The following UPF2 variants were observed in gnomAD, a reference collection of about 807,000 sequenced individuals.
UPF2 encodes the protein regulator of nonsense transcripts 2.
In UPF2, 17 loss-of-function variants were observed where a neutral mutation model predicts 141.4. The ratio of observed to expected loss-of-function variants is 0.12; its 90% CI spans 0.08 to 0.18. The LOEUF is 0.18. UPF2 is among the 10% of genes least tolerant of loss of function. UPF2 has a pLI of 1.00. For synonymous variants in UPF2, 540 were observed against 498.0 expected (o/e 1.08, Z -1.12); for missense variants, 1,152 against 1,515.9 (o/e 0.76, Z 3.99).
At chr10:11,928,435 C>T (rs536795308) in intron 21 of UPF2, among the ~76,000 whole-genome samples, 99 of 152,242 alleles carry the variant, frequency 6.5e-4, no homozygotes, top group African/African-American at 2.2e-3. Flanking sequence ...AGAGGCCGGG[C>T]GCAGTGGCTC....
intron 8 of UPF2, among the ~76,000 whole-genome samples, chr10:11,987,054 T>C (rs1408840863): frequency 5.3e-5 from 8 of 152,256 alleles, no homozygotes; most frequent in African/African-American, 1.9e-4. Flanking sequence ...GAAGAGATTC[T>C]TACGTACTTT....
chr10:11,921,431 A>G lies in UPF2; in HGVS notation c.3810-124T>C. 1 of 1,197,214 alleles carries G rather than the reference A, an allele frequency of 8.4e-7. No homozygotes were observed. Among genetic ancestry groups the G allele is most frequent in the Non-Finnish European group, 1.2e-6 (1 of 823,424 alleles). 74.2% of individuals were successfully genotyped at this position (1,197,214 alleles called of 1,614,324 possible). A position where few individuals can be genotyped will look rare whatever the true frequency, so the allele number is the denominator to read the frequency against. On this transcript the variant is annotated intron_variant, in intron 21 of 21. Transcript: ENST00000357604. This position sits in a 1 kb window ranked among gnomAD's most constrained non-coding sequence, Gnocchi z 5.9. ...CCCCCAAGTTACAGGTGGCCCTGGC[A>G]TCTGCGGGTTCCACATCCATGGACC...
chr10:11,991,417 C>A (rs1196223365), intron 8 of UPF2, among the ~76,000 whole-genome samples: 1 of 151,994 alleles, frequency 6.6e-6, no homozygotes, highest in Admixed American at 6.6e-5. Context: ...AACAAGATAA[C>A]AGAACTAGTA....
intron 10 of UPF2, among the ~76,000 whole-genome samples, chr10:11,966,309 C>T (rs955858222): frequency 1.3e-5 from 2 of 152,180 alleles, no homozygotes; most frequent in African/African-American, 2.4e-5. Flanking sequence ...TACTCTGTTA[C>T]TTGACAATTT....
intron 4 of UPF2, among the ~76,000 whole-genome samples, chr10:12,006,017 C>T (rs907532131): frequency 3.3e-5 from 5 of 151,772 alleles, no homozygotes; most frequent in African/African-American, 1.2e-4. Flanking sequence ...GTAGCTGGGA[C>T]TACAGGCATG....
At chr10:12,024,737 A>G (rs1348680021) in intron 3 of UPF2, among the ~76,000 whole-genome samples, 1 of 152,130 alleles carries the variant, frequency 6.6e-6, no homozygotes, top group South Asian at 2.1e-4. Flanking sequence ...GTTTGAGATC[A>G]GCCTGAGCAA....
rs1834191994 is a variant in UPF2, at chr10:12,014,931, TAAG to T, written c.1146-750_1146-748del. Among the ~76,000 whole-genome samples the T allele has an allele frequency of 6.6e-6, 1 of 152,188 alleles. No individual in the cohort carries two copies. The highest frequency in any genetic ancestry group is 1.5e-5 in the Non-Finnish European group (1 of 68,040). On this transcript the variant is annotated intron_variant, in intron 3 of 21. Transcript: ENST00000357604. The surrounding 1 kb of genome is among the most constrained non-coding windows in gnomAD (Gnocchi z 5.0). ...CTCAGGCCAGCCCTTATCAAGGAAC[TAAG>T]GACATAACCACTCTTCCACTTTGCA... is the stretch of plus-strand genomic sequence containing the variant.
At chr10:11,929,739 A>G in intron 21 of UPF2, 126 bp downstream of exon 21, 1 of 1,376,724 alleles carries the variant, frequency 7.3e-7, no homozygotes, top group Non-Finnish European at 9.9e-7. Flanking sequence ...TTGCTAAAAT[A>G]TCAAAGACTT....
At chr10:11,962,500 T>C (rs1239614413) in intron 11 of UPF2, among the ~76,000 whole-genome samples, 1 of 152,110 alleles carries the variant, frequency 6.6e-6, no homozygotes, top group Non-Finnish European at 1.5e-5. Flanking sequence ...AAAATTTTCA[T>C]ATAGCTAGTC....
chr10:12,018,479 G>C (rs1834262577), intron 3 of UPF2, among the ~76,000 whole-genome samples: 1 of 152,154 alleles, frequency 6.6e-6, no homozygotes, highest in African/African-American at 2.4e-5. Flanking sequence ...TACTCAGGAG[G>C]CTGAGGTAGG....
At chr10:11,938,785 A>C (rs996181340) in intron 18 of UPF2, among the ~76,000 whole-genome samples, 4 of 151,012 alleles carry the variant, frequency 2.6e-5, no homozygotes, top group Non-Finnish European at 4.4e-5. Context: ...AGAAGGCAAC[A>C]CAGTAAAACA....
chr10:12,022,429 A>T (rs1025277906), intron 3 of UPF2, among the ~76,000 whole-genome samples: 5 of 140,182 alleles, frequency 3.6e-5, no homozygotes, highest in Non-Finnish European at 8.1e-5. Context: ...AAAAAAGAAA[A>T]AAATTATCTT....
At chr10:11,952,344 T>A in intron 14 of UPF2, 95 bp from the exon 15 acceptor site, 1 of 1,116,630 alleles carries the variant, frequency 9.0e-7, no homozygotes, top group Non-Finnish European at 1.2e-6. Flanking sequence ...CAGTTATAAC[T>A]ACTAAGCTGA....
At chr10:11,949,136 T>C (rs944312622) in intron 15 of UPF2, among the ~76,000 whole-genome samples, 1 of 152,202 alleles carries the variant, frequency 6.6e-6, no homozygotes, top group African/African-American at 2.4e-5. Flanking sequence ...CCATCCCACA[T>C]TTCACTGCCC....
At position 11,992,574 on chromosome 10, in the gene UPF2, T is replaced by C. The variant is rs140983903; in HGVS notation, c.1844+5098A>G. 6.6e-6 allele frequency among the ~76,000 whole-genome samples: 1 copy of C among 152,018 alleles called. No homozygotes were observed. Among genetic ancestry groups the C allele is most frequent in the African/African-American group, 2.4e-5 (1 of 41,422 alleles). On this transcript the variant is annotated intron_variant, in intron 8 of 21. Coordinates refer to ENST00000357604, the MANE Select transcript of UPF2 (RefSeq NM_015542.4). This position sits in a 1 kb window ranked among gnomAD's most constrained non-coding sequence, Gnocchi z 4.1. The stretch of plus-strand genomic sequence containing the variant: ...CCTAAAACCAAGAAACATACACTCA[T>C]GCGTGCACACTAAATTAAAAAATAT...
At chr10:11,971,262 T>C (rs1329207697) in intron 9 of UPF2, among the ~76,000 whole-genome samples, 1 of 150,696 alleles carries the variant, frequency 6.6e-6, no homozygotes, top group African/African-American at 2.4e-5. Flanking sequence ...TTCTTTCTTT[T>C]TTTTTTTTTT....
intron 1 of UPF2, among the ~76,000 whole-genome samples, chr10:12,037,703 T>G (rs1380338942): frequency 1.3e-5 from 2 of 152,162 alleles, no homozygotes; most frequent in Non-Finnish European, 2.9e-5. Context: ...GCCCTTCGTT[T>G]TTTTTTATTA....
chr10:11,926,416 G>C (rs1271617087), intron 21 of UPF2, among the ~76,000 whole-genome samples: 2 of 152,208 alleles, frequency 1.3e-5, no homozygotes, highest in Non-Finnish European at 2.9e-5. Context: ...CACCTCCTTT[G>C]AGAGTGCAGA....
At position 11,939,253 on chromosome 10, in the gene UPF2, G is replaced by A. The variant is rs890600346; in HGVS notation, c.3379-2541C>T. 2.5e-4 allele frequency among the ~76,000 whole-genome samples: 38 copies of A among 152,104 alleles called. No homozygotes were observed. The highest frequency in any genetic ancestry group is 9.2e-4 in the African/African-American group (38 of 41,402). ...ACAGTATCTGACAGCACTATGCAAA[G>A]AATAGATGTAAAGCACTTGATGCAG... is the stretch of plus-strand genomic sequence containing the variant. On this transcript the variant is annotated intron_variant, in intron 18 of 21. Transcript: ENST00000357604. The surrounding 1 kb of genome is among the most constrained non-coding windows in gnomAD (Gnocchi z 4.8).
Sources: gnomAD v4.1 joint callset for allele counts (sites outside exome capture counted in the v4.1 genomes callset) on GRCh38, gnomAD v4.1.1 for gene constraint, Gnocchi (gnomAD v3.1) non-coding constraint, MANE v1.5 for transcripts, NCBI Gene and HGNC (gene_info 2026-07-23, HGNC 2026-07-21) for gene names.